The following ZFHX3 variants were observed in gnomAD, a reference collection of about 807,000 sequenced individuals.
The protein encoded by ZFHX3 is zinc finger homeobox 3.
ZFHX3 carries 42 observed loss-of-function variants against 279.1 expected under a neutral mutation model. The observed-to-expected ratio is 0.15, with a 90% CI of 0.12 to 0.19. The LOEUF (loss-of-function observed/expected upper bound fraction) is 0.19. Ranked by LOEUF, ZFHX3 falls within the 10% of genes least tolerant of loss-of-function variation. The probability of loss-of-function intolerance (pLI) is 1.00; values close to 1 mark genes in which losing one functional copy is unlikely to be tolerated. For synonymous variants in ZFHX3, 2,293 were observed against 1,957.8 expected, an observed-to-expected ratio of 1.17 and a Z score of -4.52; for missense variants, 4,981 against 4,754.0, an observed-to-expected ratio of 1.05 and a Z score of -1.40.
intron 1 of ZFHX3, among the ~76,000 whole-genome samples, chr16:73,841,457 G>A (rs1325067056): frequency 6.6e-6 from 1 of 152,130 alleles, no homozygotes; most frequent in African/African-American, 2.4e-5. Context: ...TGGGCTTGGA[G>A]GGGCTGAGTC....
chr16:73,773,273 C>T lies in ZFHX3; in HGVS notation c.-1607-93033G>A, dbSNP rs184238356. Among the ~76,000 whole-genome samples, 18 of 152,346 alleles carry T rather than the reference C, an allele frequency of 1.2e-4. No individual in the cohort carries two copies. In the East Asian group the frequency reaches 3.3e-3, roughly 28 times the overall value. Reference sequence around the variant, plus strand: ...AGAAAGTTCTAGAGGAGGGTGCCACCCCAGGCAGCTGTGTCCCACAGTCTC... The same window carrying T: ...AGAAAGTTCTAGAGGAGGGTGCCACTCCAGGCAGCTGTGTCCCACAGTCTC... On this transcript the variant is annotated intron_variant, in intron 1 of 17. Coordinates refer to the ZFHX3 transcript ENST00000641206.
chr16:73,373,891 G>C (rs1201425768), intron 3 of ZFHX3, among the ~76,000 whole-genome samples: 1 of 152,190 alleles, frequency 6.6e-6, no homozygotes, highest in Non-Finnish European at 1.5e-5. Context: ...CACTTACAAA[G>C]CTATTGAAGA....
intron 2 of ZFHX3, among the ~76,000 whole-genome samples, chr16:73,561,751 C>T (rs1366519608): frequency 6.6e-6 from 1 of 152,078 alleles, no homozygotes; most frequent in Non-Finnish European, 1.5e-5. Flanking sequence ...AGGCTTATTC[C>T]TCAAAAGGAA....
chr16:72,960,325 GAC>G, intron 1 of ZFHX3, 131 bp from the exon 2 acceptor site: 2 of 644,076 alleles, frequency 3.1e-6, no homozygotes. Context: ...ACAACACAGA[GAC>G]ACAGGGCGGA....
chr16:73,133,751 TCCA>T (rs1234991798), intron 6 of ZFHX3, among the ~76,000 whole-genome samples: 1 of 152,194 alleles, frequency 6.6e-6, no homozygotes, highest in African/African-American at 2.4e-5. Context: ...GGGGTTCCTG[TCCA>T]CCAATTTCTG....
intron 2 of ZFHX3, chr16:73,679,580 G>A (rs1362908436): frequency 6.6e-6 from 1 of 152,110 alleles, no homozygotes; most frequent in Admixed American, 6.6e-5. Flanking sequence ...ATTTTCTGGT[G>A]AGTGAATTTG....
intron 3 of ZFHX3, among the ~76,000 whole-genome samples, chr16:73,448,817 T>C (rs1001963765): frequency 5.3e-5 from 8 of 151,914 alleles, no homozygotes; most frequent in African/African-American, 1.4e-4. Context: ...GAGAAACTAA[T>C]ATGAATTTTT....
At chr16:72,803,079 C>T (rs562679376) in intron 7 of ZFHX3, among the ~76,000 whole-genome samples, 2 of 152,268 alleles carry the variant, frequency 1.3e-5, no homozygotes, top group Admixed American at 6.5e-5. Flanking sequence ...AGCCTGTAAT[C>T]CCAGCACTTT....
At chr16:72,991,832 A>G (rs1386164966) in intron 1 of ZFHX3, among the ~76,000 whole-genome samples, 1 of 151,988 alleles carries the variant, frequency 6.6e-6, no homozygotes, top group Non-Finnish European at 1.5e-5. Flanking sequence ...TCCAGGTGGG[A>G]GTGGGTGAAC....
At chr16:72,858,182 C>T (rs939697537) in intron 4 of ZFHX3, among the ~76,000 whole-genome samples, 3 of 152,174 alleles carry the variant, frequency 2.0e-5, no homozygotes, top group African/African-American at 4.8e-5. Flanking sequence ...CACAAGCAGC[C>T]GTGGAAGAAA....
chr16:73,482,053 G>C (rs2018879156), intron 2 of ZFHX3, among the ~76,000 whole-genome samples: 1 of 152,098 alleles, frequency 6.6e-6, no homozygotes, highest in African/African-American at 2.4e-5. Context: ...AATATCCTTT[G>C]TAAATAATAT....
chr16:72,863,075 C>G (rs917696398), intron 4 of ZFHX3, among the ~76,000 whole-genome samples: 1 of 151,850 alleles, frequency 6.6e-6, no homozygotes, highest in Non-Finnish European at 1.5e-5. Flanking sequence ...AAGAACCTGC[C>G]TCTACAAAAA....
At chr16:73,276,909 G>C (rs879355603) in intron 4 of ZFHX3, among the ~76,000 whole-genome samples, 13 of 152,168 alleles carry the variant, frequency 8.5e-5, no homozygotes, top group Non-Finnish European at 1.6e-4. Flanking sequence ...CCTCTGCCAT[G>C]TTCCTTTCTA....
intron 9 of ZFHX3, chr16:72,789,164 C>G: frequency 4.0e-6 from 1 of 250,498 alleles, no homozygotes; most frequent in Non-Finnish European, 7.5e-6. Flanking sequence ...AGCTCCCATA[C>G]TTCCCCTTTC....
intron 4 of ZFHX3, among the ~76,000 whole-genome samples, chr16:73,258,799 T>G (rs980581618): frequency 9.2e-5 from 14 of 152,212 alleles, no homozygotes; most frequent in African/African-American, 2.9e-4. Context: ...ATGAGATGGA[T>G]CTTTCTTTTA....
At position 72,978,503 on chromosome 16, in the gene ZFHX3, C is replaced by T. The variant is rs140573724; in HGVS notation, c.-49-18309G>A. Reference sequence around the variant, plus strand: ...CAGCCACACCCAGGACCCCTTCCCCCACTCCCTGACCGAGGTCTCGCCTTC... The same window carrying T: ...CAGCCACACCCAGGACCCCTTCCCCTACTCCCTGACCGAGGTCTCGCCTTC... On this transcript the variant is annotated intron_variant, in intron 1 of 9. Coordinates refer to ENST00000268489, the MANE Select transcript of ZFHX3 (RefSeq NM_006885.4). Among the ~76,000 whole-genome samples, 617 of 152,248 alleles carry T rather than the reference C, an allele frequency of 4.1e-3. 2 individuals carry two copies. The highest frequency in any genetic ancestry group is 8.1e-3 in the South Asian group (39 of 4,816).
chr16:73,619,460 C>G (rs1048504968), intron 2 of ZFHX3, among the ~76,000 whole-genome samples: 1 of 146,008 alleles, frequency 6.8e-6, no homozygotes, highest in Admixed American at 7.0e-5. Flanking sequence ...TGCACTTCAG[C>G]CTGGGTGACA....
intron 4 of ZFHX3, among the ~76,000 whole-genome samples, chr16:72,883,500 C>A (rs899800730): frequency 1.3e-5 from 2 of 152,148 alleles, no homozygotes; most frequent in Non-Finnish European, 1.5e-5. Context: ...GCCAGAGACA[C>A]CAGTCACTAA....
chr16:73,055,282 T>G (rs1026741174), intron 1 of ZFHX3, among the ~76,000 whole-genome samples: 3 of 152,116 alleles, frequency 2.0e-5, no homozygotes, highest in Admixed American at 1.3e-4. Context: ...GGGTTTTGTT[T>G]TGGATTCGGT....
Sources: gnomAD v4.1 joint callset for allele counts (sites outside exome capture counted in the v4.1 genomes callset) on GRCh38, gnomAD v4.1.1 for gene constraint, MANE v1.5 for transcripts, NCBI Gene and HGNC (gene_info 2026-07-23, HGNC 2026-07-21) for gene names.